The following BRINP1 variants were observed in gnomAD, a reference collection of about 807,000 sequenced individuals.
BRINP1 encodes the protein BMP/retinoic acid-inducible neural-specific protein 1.
A neutral mutation model predicts 72.9 loss-of-function variants in BRINP1; 17 were observed. The observed-to-expected ratio is 0.23, with a 90% CI of 0.16 to 0.35. The LOEUF (loss-of-function observed/expected upper bound fraction) is 0.35. BRINP1 is among the 10% of genes least tolerant of loss of function. The probability of loss-of-function intolerance (pLI) is 1.00; values close to 1 mark genes in which losing one functional copy is unlikely to be tolerated. For synonymous variants in BRINP1, 418 were observed against 378.5 expected (o/e 1.10, Z -1.21); for missense variants, 850 against 1,001.6 (o/e 0.85, Z 2.04).
intron 1 of BRINP1, among the ~76,000 whole-genome samples, chr9:119,330,469 T>C (rs528858723): frequency 6.6e-6 from 1 of 152,278 alleles, no homozygotes; most frequent in African/African-American, 2.4e-5. Context: ...ATCTCCAGTA[T>C]CTTCTCTGGA....
chr9:119,288,478 TG>T (rs1830789539), intron 2 of BRINP1, among the ~76,000 whole-genome samples: 1 of 152,134 alleles, frequency 6.6e-6, no homozygotes. Flanking sequence ...AGACTCCTTG[TG>T]GTAATGAGAA....
Position 119,167,021 on chromosome 9 carries a change from G to T in BRINP1, c.*63C>A. The T allele has an allele frequency of 4.3e-5, 62 of 1,434,258 alleles. No homozygotes were observed. Among genetic ancestry groups the T allele is most frequent in the Middle Eastern group, 2.2e-4 (1 of 4,482 alleles). 88.8% of individuals were successfully genotyped at this position (1,434,258 alleles called of 1,614,324 possible). The stretch of plus-strand genomic sequence containing the variant: ...TTTGTGGGTTTTTTTGTTTTGTTTT[G>T]CTTCATTTTGTTCTGTTGTGTGTGT... On this transcript the variant is annotated 3_prime_UTR_variant, in exon 8 of 8. Coordinates refer to ENST00000265922, the MANE Select transcript of BRINP1 (RefSeq NM_014618.3). This position sits in a 1 kb window ranked among gnomAD's most constrained non-coding sequence, Gnocchi z 4.3.
intron 2 of BRINP1, among the ~76,000 whole-genome samples, chr9:119,286,363 G>T (rs1830760698): frequency 6.6e-6 from 1 of 151,914 alleles, no homozygotes; most frequent in Admixed American, 6.6e-5. Context: ...CTCCCAAGTA[G>T]CTGGGACTAC....
Position 119,345,287 on chromosome 9 carries a change from C to G in BRINP1, c.-51+23769G>C, listed in dbSNP as rs1831438702. The stretch of plus-strand genomic sequence containing the variant: ...GACTTTAGTTTCATCTTTTCATCAA[C>G]TCCCTTGTGATAAGAAGGTCTTCAT... On this transcript the variant is annotated intron_variant, in intron 1 of 7. Transcript: ENST00000265922. Among the ~76,000 whole-genome samples, 5 of 152,270 alleles carry G rather than the reference C, an allele frequency of 3.3e-5. No individual in the cohort carries two copies. In the South Asian group the frequency reaches 1.0e-3, roughly 32 times the overall value.
At chr9:119,312,378 A>T (rs1831077229) in intron 2 of BRINP1, among the ~76,000 whole-genome samples, 1 of 152,176 alleles carries the variant, frequency 6.6e-6, no homozygotes, top group Non-Finnish European at 1.5e-5. Context: ...CATTCCCTCA[A>T]AGAGTTTCCA....
At chr9:119,175,973 G>A (rs10984429) in intron 7 of BRINP1, among the ~76,000 whole-genome samples, 1 of 152,216 alleles carries the variant, frequency 6.6e-6, no homozygotes, top group Non-Finnish European at 1.5e-5. Context: ...CTGAGGTAAT[G>A]TTGGGCAGTT....
chr9:119,186,811 C>T (rs1241989168), intron 7 of BRINP1, among the ~76,000 whole-genome samples: 4 of 152,160 alleles, frequency 2.6e-5, no homozygotes, highest in East Asian at 1.9e-4. Context: ...GCCACAGCCA[C>T]GCCCTGCCAT....
At chr9:119,199,792 TTGTTCTTC>T (rs986909744) in intron 7 of BRINP1, among the ~76,000 whole-genome samples, 4 of 105,618 alleles carry the variant, frequency 3.8e-5, no homozygotes, top group Non-Finnish European at 5.4e-5. Context: ...TCTGTTTTTC[TTGTTCTTC>T]TTTTTTTTTT....
Position 119,265,626 on chromosome 9 carries a change from A to AACAT in BRINP1, c.219-16477_219-16476insATGT, listed in dbSNP as rs10690480. On this transcript the variant is annotated intron_variant, in intron 2 of 7. Transcript: ENST00000265922. ...ACCAAAACAAACAAACAAACAAACA[A>AACAT]ACAAAAAATCAGTCCTCAAATCATC... Among the ~76,000 whole-genome samples, 349 of 152,132 alleles carry AACAT rather than the reference A, an allele frequency of 2.3e-3. 3 individuals are homozygous for AACAT. Among genetic ancestry groups the AACAT allele is most frequent in the African/African-American group, 8.0e-3 (331 of 41,494 alleles).
intron 1 of BRINP1, among the ~76,000 whole-genome samples, chr9:119,341,690 G>A (rs577346136): frequency 6.6e-6 from 1 of 152,270 alleles, no homozygotes; most frequent in East Asian, 1.9e-4. Context: ...GGTAGATTAG[G>A]TGTATTGAAT....
intron 7 of BRINP1, among the ~76,000 whole-genome samples, chr9:119,193,109 C>G (rs1045539799): frequency 6.6e-6 from 1 of 151,836 alleles, no homozygotes. Context: ...TTTTTAAAAT[C>G]TGTATTATTT....
intron 7 of BRINP1, among the ~76,000 whole-genome samples, chr9:119,191,137 T>C (rs199635588): frequency 1.3e-5 from 2 of 151,982 alleles, no homozygotes; most frequent in East Asian, 1.9e-4. Context: ...AGTTTGTCAA[T>C]ATAATAAAGG....
intron 1 of BRINP1, among the ~76,000 whole-genome samples, chr9:119,324,719 T>C (rs1831220646): frequency 6.6e-6 from 1 of 152,218 alleles, no homozygotes; most frequent in Non-Finnish European, 1.5e-5. Context: ...TATGTGTAAA[T>C]AATTTATATA....
At chr9:119,237,798 A>G (rs946164422) in intron 5 of BRINP1, among the ~76,000 whole-genome samples, 1 of 151,806 alleles carries the variant, frequency 6.6e-6, no homozygotes, top group African/African-American at 2.4e-5. Flanking sequence ...AATAGCTCGG[A>G]CTATAGGCGC....
At chr9:119,365,778 G>A (rs758319713) in intron 1 of BRINP1, among the ~76,000 whole-genome samples, 3 of 152,020 alleles carry the variant, frequency 2.0e-5, no homozygotes, top group African/African-American at 4.8e-5. Context: ...TAAACTCAAC[G>A]GGGGCCCAAG....
intron 1 of BRINP1, among the ~76,000 whole-genome samples, chr9:119,313,854 G>A (rs1471925308): frequency 2.0e-5 from 3 of 152,198 alleles, no homozygotes; most frequent in East Asian, 1.9e-4. Flanking sequence ...TCAAGTGAGT[G>A]TACCCTCTTC....
intron 2 of BRINP1, among the ~76,000 whole-genome samples, chr9:119,259,140 T>A (rs1468699486): frequency 6.6e-6 from 1 of 152,192 alleles, no homozygotes; most frequent in Non-Finnish European, 1.5e-5. Flanking sequence ...AAACAGGTCC[T>A]TTCACAAAGA....
In BRINP1 at chr9:119,264,495, G is replaced by A. The variant is rs181858959; in HGVS notation, c.219-15345C>T. ...TATGAGACAAATAGGAAACTCTCTC[G>A]ATTTATATTCAAGATGCCTTATGTT... On this transcript the variant is annotated intron_variant, in intron 2 of 7. Coordinates refer to ENST00000265922, the MANE Select transcript of BRINP1 (RefSeq NM_014618.3). Among the ~76,000 whole-genome samples the A allele has an allele frequency of 4.0e-4, 61 of 152,256 alleles. 1 individual carries two copies. The South Asian group carries it at 0.012, about 31-fold the overall frequency.
chr9:119,217,078 C>G (rs1299304129), intron 5 of BRINP1, among the ~76,000 whole-genome samples: 1 of 152,154 alleles, frequency 6.6e-6, no homozygotes, highest in African/African-American at 2.4e-5. Context: ...AGTTACATAA[C>G]CATTTCTACG....
Sources: gnomAD v4.1 joint callset for allele counts (sites outside exome capture counted in the v4.1 genomes callset) on GRCh38, gnomAD v4.1.1 for gene constraint, Gnocchi (gnomAD v3.1) non-coding constraint, MANE v1.5 for transcripts, NCBI Gene and HGNC (gene_info 2026-07-23, HGNC 2026-07-21) for gene names.